Variants in MDN1 observed in about 807,000 individuals in gnomAD.
The protein encoded by MDN1 is midasin.
MDN1 carries 266 observed loss-of-function variants against 669.2 expected under a neutral mutation model. That is an observed-to-expected ratio of 0.40 (90% CI 0.36 to 0.44). The LOEUF (loss-of-function observed/expected upper bound fraction) is 0.44. Ranked by LOEUF, MDN1 falls within the 20% of genes least tolerant of loss-of-function variation. The pLI is 1.00. For synonymous variants in MDN1, 2,385 were observed against 2,457.1 expected (o/e 0.97, Z 0.87); for missense variants, 5,940 against 6,754.0 (o/e 0.88, Z 4.22).
chr6:89,661,466 T>C lies in MDN1; in HGVS notation c.14678A>G (p.Asn4893Ser). The change falls in exon 88 of 102, where the codon AAT (asparagine) becomes AGT (serine). Residue 4893 changes from asparagine to serine, a missense_variant. Physicochemically the swap from Asn to Ser is conservative, Grantham distance 46. Around this residue, in one of 5 missense-constraint regions of MDN1, gnomAD observed 2,280 missense variants for 2,576.3 expected, o/e 0.88. Coordinates refer to ENST00000369393, the MANE Select transcript of MDN1 (RefSeq NM_014611.3). ...TTCATTGTCGGTGTCCTCACCACCA[T>C]TCTTGTCTTCACTGTCGAGGTTCAA... is the stretch of plus-strand genomic sequence containing the variant. ...DDLNLDSEDK[N>S]GGEDTDNEEG... is the part of the protein sequence containing the mutation. 1 of 1,614,120 alleles carries C rather than the reference T, an allele frequency of 6.2e-7. No homozygotes were observed. The highest frequency in any genetic ancestry group is 8.5e-7 in the Non-Finnish European group (1 of 1,179,988).
At position 89,794,790 on chromosome 6, in the gene MDN1, C is replaced by T; in HGVS notation, c.341G>A (p.Arg114Lys). 6.2e-7 allele frequency: 1 copy of T among 1,613,978 alleles called. No homozygotes were observed. Among genetic ancestry groups the T allele is most frequent in the South Asian group, 1.1e-5 (1 of 91,062 alleles). Residue 114 changes from arginine to lysine, a missense_variant, in exon 3 of 102, where the codon AGA becomes AAA. By Grantham distance (26) the Arg-to-Lys change is conservative (BLOSUM62 2). Coordinates refer to ENST00000369393, the MANE Select transcript of MDN1 (RefSeq NM_014611.3). ...GACTGGGGATGTGTCCTTGAAATAT[C>T]TCAGGGCAAACCTTCAAACACAAAG... ...NHPDVLPFALRYFKDTSPVFQ... is the reference protein window; with the variant it reads ...NHPDVLPFALKYFKDTSPVFQ...
At position 89,714,759 on chromosome 6, in the gene MDN1, A is replaced by T. The variant is rs78551873; in HGVS notation, c.6861-8T>A. 10 of 1,603,188 alleles carry T rather than the reference A, an allele frequency of 6.2e-6. No individual in the cohort carries two copies. Among genetic ancestry groups the T allele is most frequent in the Non-Finnish European group, 8.5e-6 (10 of 1,175,102 alleles). Reference sequence around the variant, plus strand: ...TCCATCGAGAGGAAAAGTCTAGAAAAATAGCAATTCAAAGAAAAAAATGAT... The same window carrying T: ...TCCATCGAGAGGAAAAGTCTAGAAATATAGCAATTCAAAGAAAAAAATGAT... On this transcript the variant is annotated splice_region_variant and splice_polypyrimidine_tract_variant and intron_variant, in intron 45 of 101. Transcript: ENST00000369393.
At chr6:89,795,287 G>C (rs886819078) in intron 2 of MDN1, among the ~76,000 whole-genome samples, 1 of 152,186 alleles carries the variant, frequency 6.6e-6, no homozygotes, top group Non-Finnish European at 1.5e-5. Flanking sequence ...GGAGTTTGCT[G>C]TCTAGTAAGG....
At chr6:89,746,606 AAAAAAAAAG>A (rs1260452005) in intron 27 of MDN1, among the ~76,000 whole-genome samples, 6 of 76,690 alleles carry the variant, frequency 7.8e-5, no homozygotes, top group East Asian at 3.7e-4. Flanking sequence ...AAAAAAAAAA[AAAAAAAAAG>A]AAAGAAAGAA....
At position 89,695,698 on chromosome 6, in the gene MDN1, G is replaced by C; in HGVS notation, c.9678C>G (p.Ser3226Arg). The C allele has an allele frequency of 6.2e-7, 1 of 1,613,728 alleles. No homozygotes were observed. Among genetic ancestry groups the C allele is most frequent in the African/African-American group, 1.3e-5 (1 of 75,052 alleles). ...ATGTCTGAATCTGGAGCAAGCCGAG[G>C]CTCACCCAGAGGCTCCCACGCTGGG... The part of the protein sequence containing the change: ...EPAQRGSLWV[S>R]LGLLQIQTWL... Residue 3226 changes from serine (S) to arginine (R), a missense_variant, in exon 61 of 102, where the codon AGC becomes AGG. Physicochemically the swap from Ser to Arg is moderately radical, Grantham distance 110. Transcript: ENST00000369393. The surrounding 1 kb of genome is among the most constrained non-coding windows in gnomAD (Gnocchi z 4.1).
Position 89,664,398 on chromosome 6 carries a change from T to C in MDN1, c.14236+89A>G, listed in dbSNP as rs188816944. On this transcript the variant is annotated intron_variant, in intron 85 of 101. Coordinates refer to ENST00000369393, the MANE Select transcript of MDN1 (RefSeq NM_014611.3). Reference sequence around the variant, plus strand: ...GTAACCAACTTGTTTCAAAAGATTATATTGGGTTCCTTATTAGGAACATGT... The same window carrying C: ...GTAACCAACTTGTTTCAAAAGATTACATTGGGTTCCTTATTAGGAACATGT... 8,034 of 1,513,334 alleles carry C rather than the reference T, an allele frequency of 5.3e-3. 38 individuals carry two copies. Among genetic ancestry groups the C allele is most frequent in the Non-Finnish European group, 5.9e-3 (6,478 of 1,104,618 alleles). 93.7% of individuals were successfully genotyped at this position (1,513,334 alleles called of 1,614,324 possible). A position where few individuals can be genotyped will look rare whatever the true frequency, so the allele number is the denominator to read the frequency against.
intron 15 of MDN1, among the ~76,000 whole-genome samples, 196 bp downstream of exon 15, chr6:89,771,365 T>C (rs540151439): frequency 1.8e-4 from 27 of 152,316 alleles, no homozygotes; most frequent in Non-Finnish European, 8.8e-5. Context: ...CCTGTCTTAC[T>C]GGGGCCAGCC....
At chr6:89,813,496 A>G (rs996454701) in intron 1 of MDN1, among the ~76,000 whole-genome samples, 2 of 150,584 alleles carry the variant, frequency 1.3e-5, no homozygotes, top group Non-Finnish European at 3.0e-5. Flanking sequence ...GGTTGAAGTG[A>G]GCCAAGATCA....
At position 89,643,706 on chromosome 6, in the gene MDN1, A is replaced by T. The variant is rs978917282; in HGVS notation, c.*299T>A. ...AGATCCCCTGCAAAAGAAAACAGGC[A>T]GCTGGGCTCCAACGGTGGGGTATGA... On this transcript the variant is annotated 3_prime_UTR_variant, in exon 102 of 102. Transcript: ENST00000369393. 2 of 246,674 alleles carry T rather than the reference A, an allele frequency of 8.1e-6. No individual in the cohort carries two copies. Among genetic ancestry groups the T allele is most frequent in the African/African-American group, 4.5e-5 (2 of 44,620 alleles). 15.3% of individuals were successfully genotyped at this position (246,674 alleles called of 1,614,324 possible).
chr6:89,766,036 T>C (rs745621424), intron 15 of MDN1, among the ~76,000 whole-genome samples: 23 of 152,232 alleles, frequency 1.5e-4, no homozygotes, highest in Non-Finnish European at 3.1e-4. Flanking sequence ...GGCTCATGCA[T>C]GTAATCCCAG....
At chr6:89,802,312 C>T (rs1318212927) in intron 2 of MDN1, among the ~76,000 whole-genome samples, 3 of 152,274 alleles carry the variant, frequency 2.0e-5, no homozygotes, top group Admixed American at 6.5e-5. Context: ...AAGGACCAGA[C>T]TAGATATCAT....
chr6:89,660,135 C>T (rs1809621782), intron 88 of MDN1, among the ~76,000 whole-genome samples: 1 of 152,148 alleles, frequency 6.6e-6, no homozygotes, highest in South Asian at 2.1e-4. Flanking sequence ...GATCCGCCCG[C>T]CTCAGCCTCC....
chr6:89,772,871 T>C lies in MDN1; in HGVS notation c.1935-150A>G, dbSNP rs113647187. 5.7e-3 allele frequency: 4,787 copies of C among 833,026 alleles called. 25 individuals carry two copies. Among genetic ancestry groups the C allele is most frequent in the Non-Finnish European group, 7.0e-3 (3,888 of 555,796 alleles). 51.6% of individuals were successfully genotyped at this position (833,026 alleles called of 1,614,324 possible). On this transcript the variant is annotated intron_variant, in intron 13 of 101. Coordinates refer to ENST00000369393, the MANE Select transcript of MDN1 (RefSeq NM_014611.3). The stretch of plus-strand genomic sequence containing the variant: ...AGCTATACCAGATAATCTTACAACA[T>C]ACAAAAATTACAGAATTTAGTTGCT...
chr6:89,713,238 G>T lies in MDN1; in HGVS notation c.7128C>A (p.Tyr2376Ter). 6.2e-7 allele frequency: 1 copy of T among 1,613,964 alleles called. No individual in the cohort carries two copies. Among genetic ancestry groups the T allele is most frequent in the Non-Finnish European group, 8.5e-7 (1 of 1,179,892 alleles). ...LIQTAILIVQYLQRGLSLDRA... is the reference protein window; with the variant it reads ...LIQTAILIVQ ...TGTCTAAACTCAGCCCTCGCTGCAG[G>T]TACTGGACAATTAGTATGGCTGTCT... Residue 2376 changes from tyrosine (Y) to a stop codon, truncating the protein, a stop_gained, in exon 47 of 102, where the codon TAC becomes TAA. Transcript: ENST00000369393. LOFTEE classifies it high-confidence loss of function.
At chr6:89,742,829 C>T (rs1473052441) in intron 31 of MDN1, among the ~76,000 whole-genome samples, 1 of 151,980 alleles carries the variant, frequency 6.6e-6, no homozygotes, top group Non-Finnish European at 1.5e-5. Context: ...TCCACGATCC[C>T]ATTGTTCTGA....
Position 89,712,254 on chromosome 6 carries a change from C to T in MDN1, c.7433G>A (p.Ser2478Asn). The T allele has an allele frequency of 6.2e-7, 1 of 1,612,216 alleles. No individual in the cohort carries two copies. Among genetic ancestry groups the T allele is most frequent in the Non-Finnish European group, 8.5e-7 (1 of 1,178,752 alleles). ...TAAGTCTTGCAAGGTAAAAGGCTGA[C>T]TCCTGAAATTCATTTGAATGAACAA... is the stretch of plus-strand genomic sequence containing the variant. ...MSMKTSSWTR[S>N]QPFTLQDLEK... Residue 2478 changes from serine to asparagine, a missense_variant and splice_region_variant, in exon 49 of 102, where the codon AGT (serine) becomes AAT (asparagine). This residue lies in a region of MDN1 where 2,292 missense variants were observed against 2,638.3 expected (regional missense o/e 0.87). Transcript: ENST00000369393.
intron 20 of MDN1, among the ~76,000 whole-genome samples, chr6:89,754,886 C>T (rs1379146235): frequency 6.6e-6 from 1 of 152,110 alleles, no homozygotes; most frequent in Non-Finnish European, 1.5e-5. Flanking sequence ...CTCTTTGCTA[C>T]CTAACAAAAT....
Position 89,656,723 on chromosome 6 carries a change from T to G in MDN1, c.15262A>C (p.Lys5088Gln). 6.2e-7 allele frequency: 1 copy of G among 1,612,770 alleles called. No homozygotes were observed. The highest frequency in any genetic ancestry group is 1.1e-5 in the South Asian group (1 of 90,828). ...SNFIAQLASQ[K>Q]HTRKNTQSFK... ...ACCTGTGTGTTTTTCCTGGTGTGCT[T>G]CTGGGAGGCCAACTGGGCAATGAAA... is the stretch of plus-strand genomic sequence containing the variant. Residue 5088 changes from lysine to glutamine, a missense_variant, in exon 91 of 102, where the codon AAG becomes CAG. Physicochemically the swap from Lys to Gln is moderately conservative, Grantham distance 53 (BLOSUM62 1). Coordinates refer to ENST00000369393, the MANE Select transcript of MDN1 (RefSeq NM_014611.3).
chr6:89,706,826 A>G (rs1301984303), intron 52 of MDN1, among the ~76,000 whole-genome samples: 1 of 152,214 alleles, frequency 6.6e-6, no homozygotes, highest in South Asian at 2.1e-4. Flanking sequence ...ATACCAATAG[A>G]TATGAGAAAA....
Sources: allele counts gnomAD v4.1 joint callset (sites outside exome capture counted in the v4.1 genomes callset), GRCh38; gene constraint gnomAD v4.1.1; regional missense constraint gnomAD v4.1.1; non-coding constraint Gnocchi (gnomAD v3.1); transcripts MANE v1.5; gene names NCBI Gene and HGNC (gene_info 2026-07-23, HGNC 2026-07-21).